The following FCHO2 variants were observed in gnomAD, a reference collection of about 807,000 sequenced individuals.
FCHO2 encodes F-BAR domain only protein 2.
In FCHO2, 43 loss-of-function variants were observed where a neutral mutation model predicts 114.1. The ratio of observed to expected loss-of-function variants is 0.38; its 90% CI spans 0.30 to 0.49. The LOEUF (loss-of-function observed/expected upper bound fraction) is 0.49. FCHO2 is among the 20% of genes least tolerant of loss of function. The pLI is 0.97. For synonymous variants in FCHO2, 293 were observed against 315.2 expected, an observed-to-expected ratio of 0.93 and a Z score of 0.75; for missense variants, 807 against 950.4, an observed-to-expected ratio of 0.85 and a Z score of 1.98.
In FCHO2 at chr5:73,077,611, C is replaced by CT; in HGVS notation, c.1847+120dup. 2.7e-6 allele frequency: 3 copies of CT among 1,119,534 alleles called. 1 individual carries two copies. In the East Asian group the frequency reaches 8.2e-5, roughly 30 times the overall value. The allele number at this position is 1,119,534 out of a possible 1,614,324, so 69.4% of individuals were successfully genotyped here. ...TTGGGAGGCTGAGGCAGGTGGATTG[C>CT]TTGAGCCCAGTTGTTCAAAACCAGC... On this transcript the variant is annotated intron_variant, in intron 21 of 25. Coordinates refer to ENST00000430046, the MANE Select transcript of FCHO2 (RefSeq NM_138782.3).
chr5:73,017,698 C>T (rs556245865), intron 8 of FCHO2, among the ~76,000 whole-genome samples: 26 of 152,122 alleles, frequency 1.7e-4, no homozygotes, highest in African/African-American at 4.8e-4. Flanking sequence ...GAATATTGAA[C>T]GCTCAGAACA....
intron 2 of FCHO2, among the ~76,000 whole-genome samples, chr5:72,986,470 C>A (rs976348340): frequency 2.6e-5 from 4 of 152,154 alleles, no homozygotes; most frequent in Admixed American, 6.5e-5. Flanking sequence ...CTGGATACCC[C>A]CAAGGAAGAA....
chr5:72,990,578 G>A lies in FCHO2; in HGVS notation c.301G>A (p.Val101Ile). The A allele has an allele frequency of 6.5e-7, 1 of 1,536,600 alleles. No individual in the cohort carries two copies. The highest frequency in any genetic ancestry group is 8.7e-7 in the Non-Finnish European group (1 of 1,145,270). Residue 101 changes from valine to isoleucine, a missense_variant, in exon 4 of 26, where the codon GTT (valine) becomes ATT (isoleucine). Coordinates refer to ENST00000430046, the MANE Select transcript of FCHO2 (RefSeq NM_138782.3). ...VRKLQELIKE[V>I]QKYGEEQVKS... ...AAAATTACAAGAATTAATAAAGGAA[G>A]TTCAGAAGTATGGAGAAGAACAAGT...
Position 72,968,483 on chromosome 5 carries a change from CT to C in FCHO2, c.34-10del. On this transcript the variant is annotated splice_polypyrimidine_tract_variant and intron_variant, in intron 1 of 25. Coordinates refer to ENST00000430046, the MANE Select transcript of FCHO2 (RefSeq NM_138782.3). The stretch of plus-strand genomic sequence containing the variant: ...TCTGTTTTTTTATGAAACTAAAAAT[CT>C]TTTTAAATTTTAGGGGGAAAAAAAT... 1 of 1,477,258 alleles carries C rather than the reference CT, an allele frequency of 6.8e-7. No homozygotes were observed. The highest frequency in any genetic ancestry group is 9.0e-7 in the Non-Finnish European group (1 of 1,116,282). The allele number at this position is 1,477,258 out of a possible 1,614,324, so 91.5% of individuals were successfully genotyped here.
intron 6 of FCHO2, among the ~76,000 whole-genome samples, chr5:73,011,239 A>G (rs1415035765): frequency 1.3e-5 from 2 of 152,174 alleles, no homozygotes; most frequent in Non-Finnish European, 2.9e-5. Flanking sequence ...TTTTATAAGC[A>G]CTGTAGATTT....
intron 11 of FCHO2, among the ~76,000 whole-genome samples, chr5:73,045,325 A>T (rs1437808501): frequency 6.6e-6 from 1 of 152,176 alleles, no homozygotes; most frequent in African/African-American, 2.4e-5. Context: ...TGTCAATTCA[A>T]GGTTGTTCTG....
At chr5:73,057,789 G>C (rs1375934183) in intron 16 of FCHO2, among the ~76,000 whole-genome samples, 1 of 152,096 alleles carries the variant, frequency 6.6e-6, no homozygotes, top group Non-Finnish European at 1.5e-5. Context: ...GACGTGTGCT[G>C]CTCTTTTTTA....
chr5:72,960,539 G>C (rs1018392727), intron 1 of FCHO2, among the ~76,000 whole-genome samples: 1 of 152,100 alleles, frequency 6.6e-6, no homozygotes, highest in East Asian at 1.9e-4. Flanking sequence ...ACTTTAAAAA[G>C]ATATTATAAA....
chr5:72,990,184 T>C (rs1365134968), intron 3 of FCHO2, among the ~76,000 whole-genome samples: 2 of 152,006 alleles, frequency 1.3e-5, no homozygotes, highest in Non-Finnish European at 1.5e-5. Flanking sequence ...AGGCTTCTGA[T>C]ACAAGTATAA....
chr5:73,027,666 C>A (rs992512366), intron 8 of FCHO2, among the ~76,000 whole-genome samples: 1 of 151,676 alleles, frequency 6.6e-6, no homozygotes, highest in South Asian at 2.1e-4. Flanking sequence ...AAATAAATAG[C>A]CATTAATCCA....
chr5:73,064,484 A>C (rs764142375), intron 18 of FCHO2, among the ~76,000 whole-genome samples: 5 of 151,986 alleles, frequency 3.3e-5, no homozygotes, highest in Non-Finnish European at 5.9e-5. Context: ...CTCCCAGTCT[A>C]TTTGCCTTTG....
intron 5 of FCHO2, among the ~76,000 whole-genome samples, chr5:72,996,401 G>T (rs539574883): frequency 6.6e-6 from 1 of 152,122 alleles, no homozygotes; most frequent in South Asian, 2.1e-4. Flanking sequence ...ATGTATTAAC[G>T]TGAGTAAATG....
At chr5:73,077,976 AT>A (rs1742971618) in intron 21 of FCHO2, among the ~76,000 whole-genome samples, 1 of 152,120 alleles carries the variant, frequency 6.6e-6, no homozygotes, top group Admixed American at 6.6e-5. Flanking sequence ...GCTAATAGTT[AT>A]TTTAAGATTC....
intron 5 of FCHO2, among the ~76,000 whole-genome samples, chr5:73,004,806 T>G (rs1580085974): frequency 6.6e-6 from 1 of 152,192 alleles, no homozygotes; most frequent in East Asian, 1.9e-4. Flanking sequence ...TCACATATGA[T>G]GTTATTACAG....
chr5:73,082,960 G>C (rs958292213), intron 24 of FCHO2, 135 bp downstream of exon 24: 2 of 679,120 alleles, frequency 2.9e-6, no homozygotes, highest in East Asian at 6.0e-5. Context: ...TGCAACCTCC[G>C]CCTGCTGGGT....
chr5:73,010,556 T>G (rs992552598), intron 6 of FCHO2, among the ~76,000 whole-genome samples: 1 of 152,028 alleles, frequency 6.6e-6, no homozygotes, highest in African/African-American at 2.4e-5. Flanking sequence ...GTTAGGCAAT[T>G]TTGTCATTGT....
intron 5 of FCHO2, among the ~76,000 whole-genome samples, chr5:72,992,095 A>T (rs1350794467): frequency 6.6e-6 from 1 of 152,200 alleles, no homozygotes; most frequent in African/African-American, 2.4e-5. Flanking sequence ...ATGAAATATG[A>T]TATATGACTA....
At chr5:72,991,974 C>T (rs1753837154) in intron 5 of FCHO2, among the ~76,000 whole-genome samples, 1 of 152,180 alleles carries the variant, frequency 6.6e-6, no homozygotes, top group South Asian at 2.1e-4. Flanking sequence ...CAAATCAACT[C>T]AGAAATTAAT....
At chr5:72,991,217 AC>A (rs1753792404) in intron 5 of FCHO2, among the ~76,000 whole-genome samples, 1 of 152,078 alleles carries the variant, frequency 6.6e-6, no homozygotes, top group African/African-American at 2.4e-5. Flanking sequence ...GGCGCATGAC[AC>A]CACATCCGGC....
Sources: gnomAD v4.1 joint callset for allele counts (sites outside exome capture counted in the v4.1 genomes callset) on GRCh38, gnomAD v4.1.1 for gene constraint, MANE v1.5 for transcripts, NCBI Gene and HGNC (gene_info 2026-07-23, HGNC 2026-07-21) for gene names.